Variants in ERC2 observed in about 807,000 individuals in gnomAD.
ERC2 encodes the protein ELKS/RAB6-interacting/CAST family member 2.
A neutral mutation model predicts 114.8 loss-of-function variants in ERC2; 42 were observed. The ratio of observed to expected loss-of-function variants is 0.37; its 90% CI spans 0.29 to 0.47. ERC2 has a LOEUF of 0.47. Among genes scored for constraint, ERC2 ranks in the 20% least tolerant of loss-of-function variants. The pLI is 0.99. For synonymous variants in ERC2, 454 were observed against 425.5 expected, an observed-to-expected ratio of 1.07 and a Z score of -0.82; for missense variants, 939 against 1,150.7, an observed-to-expected ratio of 0.82 and a Z score of 2.66.
At chr3:56,032,987 GAAAGAAAGAAAGAA>G (rs2074526306) in intron 7 of ERC2, among the ~76,000 whole-genome samples, 1 of 91,432 alleles carries the variant, frequency 1.1e-5, no homozygotes, top group Non-Finnish European at 2.4e-5. Context: ...GAGAAAGAAA[GAAAGAAAGAAAGAA>G]AGAAAGAAAG....
At chr3:56,420,266 G>C (rs763174291) in intron 2 of ERC2, among the ~76,000 whole-genome samples, 41 of 146,548 alleles carry the variant, frequency 2.8e-4, no homozygotes, top group Non-Finnish European at 5.2e-4. Flanking sequence ...CTCACTGCAG[G>C]CATGACCTCC....
intron 13 of ERC2, among the ~76,000 whole-genome samples, chr3:55,935,782 C>T (rs1457606364): frequency 6.6e-6 from 1 of 152,086 alleles, no homozygotes; most frequent in Non-Finnish European, 1.5e-5. Context: ...GTTACGCTGC[C>T]CTCCCTGCTC....
intron 12 of ERC2, among the ~76,000 whole-genome samples, chr3:55,968,713 T>C (rs1475326087): frequency 2.6e-5 from 4 of 152,182 alleles, no homozygotes; most frequent in Non-Finnish European, 4.4e-5. Flanking sequence ...CGCCCTTTGA[T>C]AGGTCTGTGT....
chr3:56,316,878 C>T (rs1477011943), intron 2 of ERC2, among the ~76,000 whole-genome samples: 1 of 152,138 alleles, frequency 6.6e-6, no homozygotes, highest in Non-Finnish European at 1.5e-5. Flanking sequence ...ATTCTTCCTT[C>T]GTTAGAGTCT....
At chr3:56,055,401 T>C (rs1034205056) in intron 7 of ERC2, among the ~76,000 whole-genome samples, 1 of 152,210 alleles carries the variant, frequency 6.6e-6, no homozygotes, top group African/African-American at 2.4e-5. Flanking sequence ...AGGAGTGATA[T>C]CACTTTTTTT....
At chr3:56,451,372 T>TA (rs946448408) in intron 1 of ERC2, among the ~76,000 whole-genome samples, 27 of 148,258 alleles carry the variant, frequency 1.8e-4, no homozygotes, top group Non-Finnish European at 2.7e-4. Context: ...TGTAAGCTAT[T>TA]AAAAAAAAAA....
chr3:55,824,210 T>C (rs2149164219), intron 14 of ERC2, among the ~76,000 whole-genome samples: 1 of 152,270 alleles, frequency 6.6e-6, no homozygotes, highest in African/African-American at 2.4e-5. Flanking sequence ...GCCTACAACA[T>C]AGAATTGAGG....
intron 12 of ERC2, among the ~76,000 whole-genome samples, chr3:55,977,071 T>C (rs2069646531): frequency 1.3e-5 from 2 of 152,202 alleles, no homozygotes; most frequent in Admixed American, 1.3e-4. Context: ...GTACCTTTGA[T>C]CTTGGACTTT....
chr3:56,324,878 A>G (rs1316352496), intron 2 of ERC2, among the ~76,000 whole-genome samples: 1 of 151,842 alleles, frequency 6.6e-6, no homozygotes, highest in Non-Finnish European at 1.5e-5. Context: ...TCTTGCTTCC[A>G]GGATGTTGCC....
chr3:55,880,965 T>A (rs945761737), intron 14 of ERC2, among the ~76,000 whole-genome samples: 3 of 152,142 alleles, frequency 2.0e-5, no homozygotes, highest in African/African-American at 7.2e-5. Flanking sequence ...TCAATCCCCA[T>A]AAGATCTCTG....
intron 2 of ERC2, among the ~76,000 whole-genome samples, chr3:56,422,830 G>T (rs1186783711): frequency 6.6e-6 from 1 of 152,170 alleles, no homozygotes; most frequent in East Asian, 1.9e-4. Flanking sequence ...AAATAGAGAT[G>T]CCATGTGTCT....
intron 1 of ERC2, among the ~76,000 whole-genome samples, chr3:56,453,693 T>C (rs1011731390): frequency 2.5e-4 from 38 of 152,318 alleles, no homozygotes; most frequent in African/African-American, 8.9e-4. Flanking sequence ...AACCAACTAT[T>C]TTAATTGCCT....
At chr3:55,790,585 C>G (rs573677228) in intron 14 of ERC2, among the ~76,000 whole-genome samples, 1 of 152,134 alleles carries the variant, frequency 6.6e-6, no homozygotes, top group South Asian at 2.1e-4. Context: ...CAGATAACAG[C>G]GGAAGGAAAA....
At chr3:56,164,293 C>T (rs1310047267) in intron 4 of ERC2, among the ~76,000 whole-genome samples, 5 of 151,994 alleles carry the variant, frequency 3.3e-5, no homozygotes, top group African/African-American at 4.8e-5. Flanking sequence ...CACTAATCTA[C>T]TTTCTGTCCC....
chr3:56,150,965 G>A (rs574093449), intron 4 of ERC2, among the ~76,000 whole-genome samples: 2 of 152,044 alleles, frequency 1.3e-5, no homozygotes, highest in South Asian at 2.1e-4. Context: ...GCTCACTCTC[G>A]CTCTCTCTAC....
At chr3:55,581,055 G>T (rs2057236157) in intron 17 of ERC2, among the ~76,000 whole-genome samples, 1 of 152,168 alleles carries the variant, frequency 6.6e-6, no homozygotes, top group African/African-American at 2.4e-5. Flanking sequence ...TGAGGCAGGA[G>T]GTGCCTGGCC....
chr3:55,594,466 GGTAGTT>G (rs2058041783), intron 17 of ERC2, among the ~76,000 whole-genome samples: 1 of 13,986 alleles, frequency 7.2e-5, no homozygotes, highest in African/African-American at 8.2e-5. Context: ...TTATAGAGCA[GGTAGTT>G]TTATTGTTAT....
At chr3:55,613,982 C>CAAAAAA (rs60242810) in intron 17 of ERC2, among the ~76,000 whole-genome samples, 4 of 62,246 alleles carry the variant, frequency 6.4e-5, no homozygotes, top group Admixed American at 2.4e-4. Context: ...GACTTCCTCT[C>CAAAAAA]AAAAAAAAAA....
chr3:56,367,604 C>T (rs2150576285), intron 2 of ERC2, among the ~76,000 whole-genome samples: 1 of 152,252 alleles, frequency 6.6e-6, no homozygotes, highest in African/African-American at 2.4e-5. Flanking sequence ...AAACCTTGGT[C>T]TTGAGCTGAA....
Sources: allele counts gnomAD v4.1 joint callset (sites outside exome capture counted in the v4.1 genomes callset), GRCh38; gene constraint gnomAD v4.1.1; transcripts MANE v1.5; gene names NCBI Gene and HGNC (gene_info 2026-07-23, HGNC 2026-07-21).